NRXN3: variants seen among roughly 807,000 people sequenced by gnomAD.
The protein encoded by NRXN3 is neurexin 3.
NRXN3 carries 32 observed loss-of-function variants against 137.6 expected under a neutral mutation model. The ratio of observed to expected loss-of-function variants is 0.23; its 90% CI spans 0.18 to 0.31. NRXN3 has a LOEUF of 0.31. NRXN3 is among the 10% of genes least tolerant of loss of function. The pLI is 1.00. For missense variants in NRXN3, 1,574 were observed against 2,062.5 expected (o/e 0.76, Z 4.59); for synonymous variants, 798 against 784.5 (o/e 1.02, Z -0.29).
chr14:78,978,533 A>AAT (rs2099477773), intron 14 of NRXN3, among the ~76,000 whole-genome samples: 1 of 151,848 alleles, frequency 6.6e-6, no homozygotes, highest in Non-Finnish European at 1.5e-5. Flanking sequence ...AGCCAAGGGG[A>AAT]CTCAACACTG....
In NRXN3 at chr14:79,845,896, A is replaced by AGACGGAGAGAGAGAGATGGAGAGAG. The variant is rs1568436463; in HGVS notation, c.4094-15446_4094-15445insGACGGAGAGAGAGAGATGGAGAGAG. Among the ~76,000 whole-genome samples, 2 of 93,498 alleles carry AGACGGAGAGAGAGAGATGGAGAGAG rather than the reference A, an allele frequency of 2.1e-5. 1 individual carries two copies. The highest frequency in any genetic ancestry group is 4.4e-5 in the Non-Finnish European group (2 of 45,666). The allele number at this position is 93,498 out of a possible 152,430, so 61.3% of individuals were successfully genotyped here. ...ATGGAGAGAGAGAGAGATGGAGAGA[A>AGACGGAGAGAGAGAGATGGAGAGAG]AGACAGAGAGAGAGACGGAGACAGA... On this transcript the variant is annotated intron_variant, in intron 20 of 20. Coordinates refer to ENST00000335750, the MANE Select transcript of NRXN3 (RefSeq NM_001330195.2).
At chr14:78,719,490 T>C (rs1473628817) in intron 8 of NRXN3, among the ~76,000 whole-genome samples, 1 of 152,166 alleles carries the variant, frequency 6.6e-6, no homozygotes, top group African/African-American at 2.4e-5. Flanking sequence ...TGAGGCTGGA[T>C]TGTGTCATTG....
chr14:79,563,559 CT>C (rs1465240629), intron 16 of NRXN3, among the ~76,000 whole-genome samples: 1 of 151,300 alleles, frequency 6.6e-6, no homozygotes, highest in African/African-American at 2.4e-5. Context: ...TAATATTTGA[CT>C]AGTTAACGGT....
intron 1 of NRXN3, among the ~76,000 whole-genome samples, chr14:78,199,692 A>T (rs981530634): frequency 6.6e-6 from 1 of 152,050 alleles, no homozygotes; most frequent in Non-Finnish European, 1.5e-5. Context: ...TGGGCCTGGA[A>T]CCTCAATTGG....
rs193171395 is a variant in NRXN3 at position 78,701,923 on chromosome 14, G to A, written c.1222-7294G>A. ...TAACAAAATATAAAGCATGAAAATGGTGGCATCCATGCGATGCAGCAGTTG... is the reference window on the plus strand; with the variant it reads ...TAACAAAATATAAAGCATGAAAATGATGGCATCCATGCGATGCAGCAGTTG... On this transcript the variant is annotated intron_variant, in intron 6 of 20. Coordinates refer to ENST00000335750, the MANE Select transcript of NRXN3 (RefSeq NM_001330195.2). Among the ~76,000 whole-genome samples, 199 of 152,280 alleles carry A rather than the reference G, an allele frequency of 1.3e-3. 1 individual carries two copies. The highest frequency in any genetic ancestry group is 4.6e-3 in the African/African-American group (192 of 41,542).
chr14:78,666,907 C>T (rs1443095180), intron 6 of NRXN3, among the ~76,000 whole-genome samples: 2 of 152,140 alleles, frequency 1.3e-5, no homozygotes, highest in African/African-American at 2.4e-5. Flanking sequence ...AACTTGGGTG[C>T]CACCTCCTCA....
chr14:79,373,078 A>G (rs2094158440), intron 15 of NRXN3, among the ~76,000 whole-genome samples: 1 of 152,138 alleles, frequency 6.6e-6, no homozygotes, highest in South Asian at 2.1e-4. Flanking sequence ...CTGTCAACAA[A>G]TTCAAAACCA....
chr14:78,531,210 A>C (rs1394931064), intron 4 of NRXN3, among the ~76,000 whole-genome samples: 2 of 152,200 alleles, frequency 1.3e-5, no homozygotes, highest in Non-Finnish European at 2.9e-5. Context: ...GATGGAGATT[A>C]GCCAAAATGT....
intron 4 of NRXN3, among the ~76,000 whole-genome samples, chr14:78,575,651 A>G (rs1244917342): frequency 6.6e-6 from 1 of 152,222 alleles, no homozygotes; most frequent in African/African-American, 2.4e-5. Context: ...ATGGCGAGTC[A>G]TAAGTAATCT....
At chr14:78,825,092 C>T (rs935156322) in intron 10 of NRXN3, among the ~76,000 whole-genome samples, 1 of 151,076 alleles carries the variant, frequency 6.6e-6, no homozygotes, top group Non-Finnish European at 1.5e-5. Flanking sequence ...TATGTCTTAC[C>T]CACCCTGGAT....
At chr14:79,368,499 C>G (rs1190446375) in intron 15 of NRXN3, among the ~76,000 whole-genome samples, 3 of 152,166 alleles carry the variant, frequency 2.0e-5, no homozygotes, top group Non-Finnish European at 2.9e-5. Context: ...TGTTTAAGTG[C>G]CATAATTGTA....
chr14:78,492,516 G>C (rs970924661), intron 4 of NRXN3, among the ~76,000 whole-genome samples: 2 of 152,092 alleles, frequency 1.3e-5, no homozygotes, highest in African/African-American at 4.8e-5. Flanking sequence ...AGATATATTA[G>C]TTTTAGTATT....
intron 15 of NRXN3, among the ~76,000 whole-genome samples, chr14:79,122,242 T>G (rs2152925382): frequency 6.6e-6 from 1 of 152,306 alleles, no homozygotes; most frequent in East Asian, 1.9e-4. Context: ...GGAAACAGAT[T>G]AATGAGCAGC....
intron 8 of NRXN3, among the ~76,000 whole-genome samples, chr14:78,766,680 C>T (rs1342935102): frequency 6.6e-6 from 1 of 152,180 alleles, no homozygotes; most frequent in Non-Finnish European, 1.5e-5. Context: ...CAGAGCCAGC[C>T]CTGCAATCAA....
rs377144359 is a variant in NRXN3 at position 79,425,998 on chromosome 14, G to GGA, written c.3263-41202_3263-41201dup. Among the ~76,000 whole-genome samples the GGA allele has an allele frequency of 7.3e-3, 1,098 of 149,520 alleles. 12 individuals are homozygous for GGA. Among genetic ancestry groups the GGA allele is most frequent in the African/African-American group, 0.02 (816 of 40,882 alleles). ...AGGGGATGAGAGTCTGGAGAGAAGG[G>GGA]GAGAGAGAGAGAGAGAGAGAGAAAT... On this transcript the variant is annotated intron_variant, in intron 15 of 20. Transcript: ENST00000335750.
chr14:79,808,098 C>T (rs1603557248), intron 20 of NRXN3, among the ~76,000 whole-genome samples: 1 of 151,788 alleles, frequency 6.6e-6, no homozygotes, highest in East Asian at 1.9e-4. Context: ...ATTAGCCAGG[C>T]GTGGTGGCAG....
chr14:78,254,433 C>A (rs2069158857), intron 2 of NRXN3, among the ~76,000 whole-genome samples: 2 of 152,170 alleles, frequency 1.3e-5, no homozygotes, highest in Non-Finnish European at 2.9e-5. Context: ...GTAATCCCAG[C>A]ACTTTGGGAG....
At chr14:79,803,134 ATTG>A (rs1259585056) in intron 19 of NRXN3, among the ~76,000 whole-genome samples, 1 of 152,266 alleles carries the variant, frequency 6.6e-6, no homozygotes, top group East Asian at 1.9e-4. Flanking sequence ...AAAGATCAAT[ATTG>A]TTGTGTAGGG....
intron 4 of NRXN3, among the ~76,000 whole-genome samples, chr14:78,317,359 C>T (rs1354979599): frequency 6.6e-6 from 1 of 152,172 alleles, no homozygotes; most frequent in Non-Finnish European, 1.5e-5. Flanking sequence ...TAAGTTCCGC[C>T]TCCTGTCAGA....
Sources: gnomAD v4.1 joint callset for allele counts (sites outside exome capture counted in the v4.1 genomes callset) on GRCh38, gnomAD v4.1.1 for gene constraint, MANE v1.5 for transcripts, NCBI Gene and HGNC (gene_info 2026-07-23, HGNC 2026-07-21) for gene names.